EDIL3: variants seen among roughly 807,000 people sequenced by gnomAD.
The protein encoded by EDIL3 is EGF like and discoidin domains 3, also known as EGF-like repeat and discoidin I-like domain-containing protein 3.
A neutral mutation model predicts 67.4 loss-of-function variants in EDIL3; 37 were observed. The ratio of observed to expected loss-of-function variants is 0.55; its 90% CI spans 0.42 to 0.72. EDIL3 has a LOEUF of 0.72. Among genes scored for constraint, EDIL3 ranks in the 30% least tolerant of loss-of-function variants. The pLI, the probability that EDIL3 is intolerant of heterozygous loss-of-function variation, is 0.00. For synonymous variants in EDIL3, 195 were observed against 196.3 expected (o/e 0.99, Z 0.05); for missense variants, 527 against 586.3 (o/e 0.90, Z 1.04).
intron 9 of EDIL3, among the ~76,000 whole-genome samples, chr5:84,032,267 T>C (rs1047061989): frequency 3.9e-5 from 6 of 152,292 alleles, no homozygotes; most frequent in Middle Eastern, 3.4e-3. Context: ...TGGCATTTCC[T>C]TAAAAATCCA....
chr5:84,111,639 A>C (rs1747566769), intron 5 of EDIL3, among the ~76,000 whole-genome samples: 1 of 152,188 alleles, frequency 6.6e-6, no homozygotes, highest in Admixed American at 6.5e-5. Context: ...TTAAACAAGA[A>C]AATACCATGA....
chr5:84,217,354 G>C (rs1744249320), intron 3 of EDIL3, among the ~76,000 whole-genome samples: 1 of 152,112 alleles, frequency 6.6e-6, no homozygotes, highest in African/African-American at 2.4e-5. Context: ...ATTTTTTCTG[G>C]TTCTCTGAGA....
At chr5:84,223,505 G>A (rs994828925) in intron 3 of EDIL3, among the ~76,000 whole-genome samples, 1 of 151,628 alleles carries the variant, frequency 6.6e-6, no homozygotes, top group African/African-American at 2.4e-5. Context: ...ATTATGCAAA[G>A]TTTAAAAAGC....
In EDIL3 at chr5:84,016,683, T is replaced by G. The variant is rs370597441; in HGVS notation, c.1137+43617A>C. ...CATCTTCATGCTATGTTCATAACTG[T>G]ATATAAAACAAATGCATCCCTGGTT... On this transcript the variant is annotated intron_variant, in intron 9 of 10. Coordinates refer to ENST00000296591, the MANE Select transcript of EDIL3 (RefSeq NM_005711.5). Among the ~76,000 whole-genome samples, 75 of 152,342 alleles carry G rather than the reference T, an allele frequency of 4.9e-4. 1 individual carries two copies. The highest frequency in any genetic ancestry group is 1.8e-3 in the African/African-American group (74 of 41,588).
intron 1 of EDIL3, among the ~76,000 whole-genome samples, chr5:84,324,883 A>G (rs1746724711): frequency 6.6e-6 from 1 of 151,662 alleles, no homozygotes; most frequent in Admixed American, 6.6e-5. Context: ...GAATAGACCT[A>G]TAATTGGTAA....
At chr5:84,307,123 C>A (rs112611474) in intron 1 of EDIL3, among the ~76,000 whole-genome samples, 1 of 151,994 alleles carries the variant, frequency 6.6e-6, no homozygotes, top group Non-Finnish European at 1.5e-5. Context: ...TGAACAGAAA[C>A]GCAAGTGCAC....
chr5:84,248,886 A>G (rs1185834200), intron 2 of EDIL3, among the ~76,000 whole-genome samples: 1 of 152,132 alleles, frequency 6.6e-6, no homozygotes, highest in Non-Finnish European at 1.5e-5. Flanking sequence ...CAAGATCATC[A>G]TGTCTAGCCT....
At chr5:84,370,139 G>A (rs571545105) in intron 1 of EDIL3, among the ~76,000 whole-genome samples, 3 of 152,138 alleles carry the variant, frequency 2.0e-5, no homozygotes, top group Non-Finnish European at 4.4e-5. Flanking sequence ...AGATTTAGAA[G>A]TGGAAATCAC....
intron 6 of EDIL3, among the ~76,000 whole-genome samples, chr5:84,091,054 T>C (rs1313216194): frequency 6.6e-6 from 1 of 152,018 alleles, no homozygotes; most frequent in Non-Finnish European, 1.5e-5. Context: ...TCACTAACAG[T>C]GTCCACTGCT....
intron 9 of EDIL3, among the ~76,000 whole-genome samples, chr5:84,051,464 A>C (rs1746337463): frequency 6.6e-6 from 1 of 152,260 alleles, no homozygotes; most frequent in African/African-American, 2.4e-5. Flanking sequence ...ACAGAGAACG[A>C]CTTTGACGAG....
chr5:84,166,151 C>G (rs1033754893), intron 4 of EDIL3, among the ~76,000 whole-genome samples: 7 of 152,260 alleles, frequency 4.6e-5, no homozygotes, highest in African/African-American at 1.4e-4. Context: ...TCTTTATATA[C>G]TACATGGCTC....
chr5:84,103,354 C>CA (rs921032431), intron 6 of EDIL3, among the ~76,000 whole-genome samples: 2 of 151,712 alleles, frequency 1.3e-5, no homozygotes, highest in Non-Finnish European at 2.9e-5. Context: ...GCAACAAAAG[C>CA]AAAAAATGAC....
At chr5:84,187,664 T>C (rs1333023294) in intron 3 of EDIL3, among the ~76,000 whole-genome samples, 1 of 152,116 alleles carries the variant, frequency 6.6e-6, no homozygotes, top group Admixed American at 6.6e-5. Flanking sequence ...ATCGAAGTTA[T>C]CTTCAGTGTT....
At chr5:84,213,487 T>C (rs1488671524) in intron 3 of EDIL3, among the ~76,000 whole-genome samples, 2 of 152,224 alleles carry the variant, frequency 1.3e-5, no homozygotes, top group Non-Finnish European at 2.9e-5. Context: ...ATCTGTACAG[T>C]GGTTTTAATT....
chr5:84,230,582 C>T (rs1398968291), intron 2 of EDIL3, among the ~76,000 whole-genome samples: 1 of 151,944 alleles, frequency 6.6e-6, no homozygotes, highest in East Asian at 1.9e-4. Flanking sequence ...TAATGTTGTA[C>T]TTTTAGTAGA....
chr5:84,242,163 C>T (rs1232232821), intron 2 of EDIL3, among the ~76,000 whole-genome samples: 9 of 150,780 alleles, frequency 6.0e-5, no homozygotes, highest in East Asian at 2.0e-4. Flanking sequence ...ACCTGGGAGG[C>T]GGAGCTTGCA....
At chr5:84,200,111 G>A (rs1204395187) in intron 3 of EDIL3, among the ~76,000 whole-genome samples, 2 of 151,976 alleles carry the variant, frequency 1.3e-5, no homozygotes, top group Non-Finnish European at 2.9e-5. Context: ...ATTTATTTAG[G>A]ATATGAGTTA....
intron 1 of EDIL3, among the ~76,000 whole-genome samples, chr5:84,324,437 T>C (rs142239373): frequency 9.9e-5 from 15 of 151,984 alleles, no homozygotes; most frequent in African/African-American, 2.9e-4. Context: ...AGTAAATACA[T>C]ACTTTCAAAT....
At chr5:84,345,930 CAAT>C (rs1483394971) in intron 1 of EDIL3, among the ~76,000 whole-genome samples, 1 of 152,076 alleles carries the variant, frequency 6.6e-6, no homozygotes, top group Non-Finnish European at 1.5e-5. Flanking sequence ...GAAAACACAA[CAAT>C]GTTTTCCAAA....
Sources: gnomAD v4.1 joint callset for allele counts (sites outside exome capture counted in the v4.1 genomes callset) on GRCh38, gnomAD v4.1.1 for gene constraint, MANE v1.5 for transcripts, NCBI Gene and HGNC (gene_info 2026-07-23, HGNC 2026-07-21) for gene names.